The following SPATA46 variants were observed in gnomAD, a reference collection of about 807,000 sequenced individuals.
The protein encoded by SPATA46 is spermatogenesis-associated protein 46.
In SPATA46, 3 loss-of-function variants were observed where a neutral mutation model predicts 6.2. The observed-to-expected ratio is 0.48, with a 90% CI of 0.22 to 1.25. The LOEUF (loss-of-function observed/expected upper bound fraction) is 1.25, where lower values mean the gene tolerates loss of function less well. Ranked by LOEUF, SPATA46 falls within the 50% of genes most tolerant of loss-of-function variation. The pLI, the probability that SPATA46 is intolerant of heterozygous loss-of-function variation, is 0.20. For missense variants in SPATA46, 308 were observed against 323.5 expected (o/e 0.95, Z 0.37); for synonymous variants, 117 against 123.3 (o/e 0.95, Z 0.34).
Position 162,373,475 on chromosome 1 carries a change from TCCCGGGTGAGCTCAGC to T in SPATA46, c.*557_*572del, listed in dbSNP as rs969673556. On this transcript the variant is annotated 3_prime_UTR_variant, in exon 3 of 3. Coordinates refer to ENST00000367935, the MANE Select transcript of SPATA46 (RefSeq NM_182581.4). ...ATGATGGTAGTGCCTGAGAGCTCAG[TCCCGGGTGAGCTCAGC>T]CCCATCTGCCTCTTACCTGCCTTAT... 6.6e-6 allele frequency: 1 copy of T among 152,160 alleles called. No individual in the cohort carries two copies. Among genetic ancestry groups the T allele is most frequent in the Non-Finnish European group, 1.5e-5 (1 of 68,078 alleles). The allele number at this position is 152,160 out of a possible 1,614,324, so 9.4% of individuals were successfully genotyped here.
At chr1:162,376,306 A>C (rs140202903) in intron 1 of SPATA46, among the ~76,000 whole-genome samples, 1 of 152,116 alleles carries the variant, frequency 6.6e-6, no homozygotes, top group African/African-American at 2.4e-5. Context: ...ATGTAGACAT[A>C]CTGCCACCTT....
In SPATA46 at chr1:162,376,812, C is replaced by T. The variant is rs748469139; in HGVS notation, c.-22G>A. Reference sequence around the variant, plus strand: ...CCATATTCTGACCACTGCGGGGGTACAGAGATCACACGCCTGCTCTGGAGA... The same window carrying T: ...CCATATTCTGACCACTGCGGGGGTATAGAGATCACACGCCTGCTCTGGAGA... On this transcript the variant is annotated 5_prime_UTR_variant, in exon 1 of 3. Transcript: ENST00000367935. 2 of 1,612,190 alleles carry T rather than the reference C, an allele frequency of 1.2e-6. No homozygotes were observed. Among genetic ancestry groups the T allele is most frequent in the East Asian group, 4.5e-5 (2 of 44,864 alleles).
chr1:162,375,579 A>G (rs1259865294), intron 1 of SPATA46, among the ~76,000 whole-genome samples, 176 bp from the exon 2 acceptor site: 1 of 152,156 alleles, frequency 6.6e-6, no homozygotes, highest in Non-Finnish European at 1.5e-5. Flanking sequence ...CATCCTGGGG[A>G]ATTCTGAATG....
chr1:162,374,102 A>C lies in SPATA46; in HGVS notation c.732T>G (p.Asn244Lys), dbSNP rs145479510. The C allele has an allele frequency of 6.2e-7, 1 of 1,613,976 alleles. No homozygotes were observed. Among genetic ancestry groups the C allele is most frequent in the Non-Finnish European group, 8.5e-7 (1 of 1,179,910 alleles). The change falls in exon 3 of 3, where the codon AAT becomes AAG. Residue 244 changes from asparagine to lysine, a missense_variant. Coordinates refer to ENST00000367935, the MANE Select transcript of SPATA46 (RefSeq NM_182581.4). ...TTTGCCTAAGGTGTTCAGCAGGACTATTGAAGGCCTGGCAGCTGCCGGAGG... is the reference window on the plus strand; with the variant it reads ...TTTGCCTAAGGTGTTCAGCAGGACTCTTGAAGGCCTGGCAGCTGCCGGAGG... ...RLSSGSCQAF[N>K]SPAEHLRQIG...
rs561366021 is a variant in SPATA46 at position 162,376,738 on chromosome 1, G to A, written c.53C>T (p.Ala18Val). 4 of 1,614,014 alleles carry A rather than the reference G, an allele frequency of 2.5e-6. No homozygotes were observed. In the South Asian group the frequency reaches 3.3e-5, roughly 13 times the overall value. ...SISGPPISSS[A>V]LSAFPDIMFS... ...CATAATGTCGGGAAAAGCACTCAGG[G>A]CGGAGGAAGAGATTGGAGGTCCAGA... Residue 18 changes from alanine (A) to valine (V), a missense_variant, in exon 1 of 3, where the codon GCC becomes GTC. Ala to Val is a moderately conservative substitution (Grantham distance 64). Transcript: ENST00000367935.
rs779401029 is a variant in SPATA46, at chr1:162,374,425, T to C, written c.409A>G (p.Asn137Asp). ...DNCLSEDMAE[N>D]ICSSSSSPEN... ...GGGGAGGAAGAGGACGAACAGATGT[T>C]CTCAGCCATGTCCTCAGAAAGGCAG... The change falls in exon 3 of 3, where the codon AAC (asparagine) becomes GAC (aspartate). Residue 137 changes from asparagine (N) to aspartate (D), a missense_variant. Transcript: ENST00000367935. The C allele has an allele frequency of 6.2e-7, 1 of 1,614,234 alleles. No individual in the cohort carries two copies. The highest frequency in any genetic ancestry group is 8.5e-7 in the Non-Finnish European group (1 of 1,180,040).
Position 162,373,952 on chromosome 1 carries a change from A to G in SPATA46, c.*96T>C, listed in dbSNP as rs961905072. On this transcript the variant is annotated 3_prime_UTR_variant, in exon 3 of 3. Transcript: ENST00000367935. ...TGGTGTTGCTAGGCAACCATTAGCCAAAGGTGATGAGAGCCGGGTTCTGGG... is the reference window on the plus strand; with the variant it reads ...TGGTGTTGCTAGGCAACCATTAGCCGAAGGTGATGAGAGCCGGGTTCTGGG... 5 of 1,293,750 alleles carry G rather than the reference A, an allele frequency of 3.9e-6. No individual in the cohort carries two copies. In the Admixed American group the frequency reaches 7.0e-5, roughly 18 times the overall value. 80.1% of individuals were successfully genotyped at this position (1,293,750 alleles called of 1,614,324 possible).
At position 162,373,600 on chromosome 1, in the gene SPATA46, C is replaced by A; in HGVS notation, c.*448G>T. ...CTTTAAAACTGCAGAGATTCTTCCCCATGCAAATAGGAAAGGGCATCCAGC... is the reference window on the plus strand; with the variant it reads ...CTTTAAAACTGCAGAGATTCTTCCCAATGCAAATAGGAAAGGGCATCCAGC... On this transcript the variant is annotated 3_prime_UTR_variant, in exon 3 of 3. Coordinates refer to ENST00000367935, the MANE Select transcript of SPATA46 (RefSeq NM_182581.4). 6.4e-6 allele frequency: 1 copy of A among 155,166 alleles called. No individual in the cohort carries two copies. Among genetic ancestry groups the A allele is most frequent in the Non-Finnish European group, 1.4e-5 (1 of 70,182 alleles). The allele number at this position is 155,166 out of a possible 1,614,324, so 9.6% of individuals were successfully genotyped here. A position where few individuals can be genotyped will look rare whatever the true frequency, so the allele number is the denominator to read the frequency against.
rs757134924 is a variant in SPATA46, at chr1:162,374,233, G to T, written c.601C>A (p.His201Asn). 15 of 1,613,766 alleles carry T rather than the reference G, an allele frequency of 9.3e-6. No homozygotes were observed. The African/African-American group carries it at 2.0e-4, about 22-fold the overall frequency. The change falls in exon 3 of 3, where the codon CAC (histidine) becomes AAC (asparagine). Residue 201 changes from histidine (H) to asparagine (N), a missense_variant. Coordinates refer to ENST00000367935, the MANE Select transcript of SPATA46 (RefSeq NM_182581.4). ...MYPTLDFLKSHIKRGFREGFS... is the reference protein window; with the variant it reads ...MYPTLDFLKSNIKRGFREGFS... Reference sequence around the variant, plus strand: ...CCCTCCCTGAAGCCCCTCTTGATGTGGCTCTTGAGGAAGTCCAGGGTGGGG... The same window carrying T: ...CCCTCCCTGAAGCCCCTCTTGATGTTGCTCTTGAGGAAGTCCAGGGTGGGG...
At chr1:162,376,131 G>A (rs1040784562) in intron 1 of SPATA46, among the ~76,000 whole-genome samples, 2 of 152,134 alleles carry the variant, frequency 1.3e-5, no homozygotes, top group Admixed American at 6.5e-5. Context: ...CGATGCAGAC[G>A]TTGCAAGTCT....
Position 162,375,303 on chromosome 1 carries a change from T to C in SPATA46, c.204A>G (p.Thr68=). ...SIIVRQGIQN[T]ALSPDCSLGD... is the part of the protein sequence containing the mutation. ...AGAAGTCCTCACCTGGTGAGAGCGC[T>C]GTGTTCTGTATCCCTTGCCTGACAA... is the stretch of plus-strand genomic sequence containing the variant. The change falls in exon 2 of 3, where the codon ACA becomes ACG. Residue 68 remains threonine, a synonymous_variant. Coordinates refer to ENST00000367935, the MANE Select transcript of SPATA46 (RefSeq NM_182581.4). The C allele has an allele frequency of 1.2e-6, 2 of 1,613,566 alleles. No individual in the cohort carries two copies. The highest frequency in any genetic ancestry group is 1.7e-6 in the Non-Finnish European group (2 of 1,179,462).
intron 1 of SPATA46, 150 bp downstream of exon 1, chr1:162,376,538 A>T: frequency 2.5e-6 from 2 of 793,458 alleles, no homozygotes; most frequent in Non-Finnish European, 3.9e-6. Flanking sequence ...TACTTACCAC[A>T]AATGCAGCAT....
Position 162,374,571 on chromosome 1 carries a change from T to A in SPATA46, c.263A>T (p.Asn88Ile). 1 of 1,614,006 alleles carries A rather than the reference T, an allele frequency of 6.2e-7. No homozygotes were observed. The highest frequency in any genetic ancestry group is 1.1e-5 in the South Asian group (1 of 91,052). The stretch of plus-strand genomic sequence containing the variant: ...GAACCAGGGCCGGTAGATAGTGCAG[T>A]TCCGCCTCAGCTTCTCTCCGTGCTG... ...DTQHGEKLRRNCTIYRPWFSP... is the reference protein window; with the variant it reads ...DTQHGEKLRRICTIYRPWFSP... The change falls in exon 3 of 3, where the codon AAC becomes ATC. Residue 88 changes from asparagine (N) to isoleucine (I), a missense_variant. Transcript: ENST00000367935.
intron 2 of SPATA46, 119 bp from the exon 3 acceptor site, chr1:162,374,735 C>T (rs1460221715): frequency 1.5e-5 from 15 of 1,007,656 alleles, no homozygotes; most frequent in African/African-American, 9.7e-5. Context: ...CACCCCACCA[C>T]GATTGCAGTT....
intron 2 of SPATA46, 120 bp from the exon 3 acceptor site, chr1:162,374,736 G>T: frequency 1.0e-6 from 1 of 1,004,976 alleles, no homozygotes; most frequent in Non-Finnish European, 1.4e-6. Context: ...ACCCCACCAC[G>T]ATTGCAGTTC....
chr1:162,376,620 G>A lies in SPATA46; in HGVS notation c.103+68C>T, dbSNP rs965645878. On this transcript the variant is annotated intron_variant, in intron 1 of 2. Transcript: ENST00000367935. Reference sequence around the variant, plus strand: ...AATCATGGTCCTGTAACATGATCTGGTAGGGTACTCAATTAAAAGCTTCAA... The same window carrying A: ...AATCATGGTCCTGTAACATGATCTGATAGGGTACTCAATTAAAAGCTTCAA... 4.3e-6 allele frequency: 6 copies of A among 1,399,934 alleles called. No homozygotes were observed. In the African/African-American group the frequency reaches 5.7e-5, roughly 13 times the overall value. The allele number at this position is 1,399,934 out of a possible 1,614,324, so 86.7% of individuals were successfully genotyped here. A position where few individuals can be genotyped will look rare whatever the true frequency, so the allele number is the denominator to read the frequency against.
At chr1:162,375,969 A>G (rs1647646892) in intron 1 of SPATA46, among the ~76,000 whole-genome samples, 1 of 152,172 alleles carries the variant, frequency 6.6e-6, no homozygotes, top group Non-Finnish European at 1.5e-5. Context: ...TATGTAGACA[A>G]ATGGATGCTT....
Position 162,374,050 on chromosome 1 carries a change from A to G in SPATA46, c.784T>C (p.Ter262GlnextTer34). The change falls in exon 3 of 3, where the codon TAG becomes CAG. Residue 262 changes from the stop codon to glutamine, a stop_lost. Transcript: ENST00000367935. ...QIGGEAYLCL[*>Q] is the part of the protein sequence containing the mutation. ...TGACTAACTTTATTGGCATCTCTCT[A>G]GAGACATAAGTAGGCTTCACCGCCA... The G allele has an allele frequency of 6.3e-7, 1 of 1,599,332 alleles. No homozygotes were observed.
In SPATA46 at chr1:162,376,781, A is replaced by G; in HGVS notation, c.10T>C (p.Phe4Leu). Residue 4 changes from phenylalanine (F) to leucine (L), a missense_variant, in exon 1 of 3, where the codon TTC becomes CTC. By Grantham distance (22) the Phe-to-Leu change is conservative. Transcript: ENST00000367935. The part of the protein sequence containing the change: MEN[F>L]SLLSISGPPI... The stretch of plus-strand genomic sequence containing the variant: ...GGTCCAGAGATGCTGAGGAGTGAGA[A>G]GTTCTCCATATTCTGACCACTGCGG... The G allele has an allele frequency of 6.2e-7, 1 of 1,613,978 alleles. No individual in the cohort carries two copies. The highest frequency in any genetic ancestry group is 8.5e-7 in the Non-Finnish European group (1 of 1,179,976).
Sources: gnomAD v4.1 joint callset for allele counts (sites outside exome capture counted in the v4.1 genomes callset) on GRCh38, gnomAD v4.1.1 for gene constraint, MANE v1.5 for transcripts, NCBI Gene and HGNC (gene_info 2026-07-23, HGNC 2026-07-21) for gene names.